Variants in LGI2 observed in about 807,000 individuals in gnomAD.
LGI2 encodes the protein leucine rich repeat LGI family member 2.
LGI2 carries 30 observed loss-of-function variants against 52.0 expected under a neutral mutation model. That is an observed-to-expected ratio of 0.58 (90% CI 0.43 to 0.78). The LOEUF is 0.78. LGI2 is among the 30% of genes least tolerant of loss of function. The probability of loss-of-function intolerance (pLI) is 0.00; values close to 1 mark genes in which losing one functional copy is unlikely to be tolerated. For missense variants in LGI2, 573 were observed against 692.5 expected (o/e 0.83, Z 1.94); for synonymous variants, 270 against 271.8 (o/e 0.99, Z 0.06).
chr4:24,992,688 A>C, the LGI2 span, among the ~76,000 whole-genome samples: 1 of 152,226 alleles, frequency 6.6e-6, no homozygotes, highest in African/African-American at 2.4e-5. Flanking sequence ...TGTCTCAAAA[A>C]GAAAAGAAAA....
intron 4 of LGI2, among the ~76,000 whole-genome samples, chr4:25,024,592 A>T (rs1278039571): frequency 6.6e-6 from 1 of 152,184 alleles, no homozygotes; most frequent in Non-Finnish European, 1.5e-5. Flanking sequence ...TAATTCCCAC[A>T]CAGTCATGTG....
chr4:25,020,470 AG>A (rs1461820166), intron 4 of LGI2, among the ~76,000 whole-genome samples: 1 of 152,194 alleles, frequency 6.6e-6, no homozygotes, highest in East Asian at 1.9e-4. Flanking sequence ...TGATTTCCCC[AG>A]GCACTGCACT....
In LGI2 at chr4:25,018,089, T is replaced by C. The variant is rs761504372; in HGVS notation, c.555A>G (p.Thr185=). Residue 185 remains threonine, a synonymous_variant, in exon 6 of 8, where the codon ACA becomes ACG. Transcript: ENST00000382114. Reference sequence around the variant, plus strand: ...ACAGCACATCAGAAACGGTGGAATTTGTCATCTTCAACCACAGGTATAGCC... The same window carrying C: ...ACAGCACATCAGAAACGGTGGAATTCGTCATCTTCAACCACAGGTATAGCC... The part of the protein sequence containing the change: ...AKWLYLWLKM[T]NSTVSDVLCI... 6.2e-7 allele frequency: 1 copy of C among 1,613,822 alleles called. No individual in the cohort carries two copies. The highest frequency in any genetic ancestry group is 8.5e-7 in the Non-Finnish European group (1 of 1,179,924).
downstream of LGI2, among the ~76,000 whole-genome samples, chr4:24,994,784 G>A (rs923136986): frequency 2.0e-5 from 3 of 152,080 alleles, no homozygotes; most frequent in South Asian, 2.1e-4. Flanking sequence ...GCAGAGAATC[G>A]GGGCTTGTGA....
Position 25,004,465 on chromosome 4 carries a change from T to C in LGI2, c.821-197A>G, listed in dbSNP as rs1195909456. Among the ~76,000 whole-genome samples the C allele has an allele frequency of 6.6e-6, 1 of 152,184 alleles. No homozygotes were observed. Among genetic ancestry groups the C allele is most frequent in the Non-Finnish European group, 1.5e-5 (1 of 68,034 alleles). ...TCCACTTCTTTGTATATACCCAAAA[T>C]AATTGAAAGCAGTGACTCAAAGAGA... On this transcript the variant is annotated intron_variant, in intron 7 of 7. Coordinates refer to ENST00000382114, the MANE Select transcript of LGI2 (RefSeq NM_018176.4). This position sits in a 1 kb window ranked among gnomAD's most constrained non-coding sequence, Gnocchi z 4.6.
At position 25,012,389 on chromosome 4, in the gene LGI2, C is replaced by T; in HGVS notation, c.766G>A (p.Val256Met). 1.2e-6 allele frequency: 2 copies of T among 1,614,220 alleles called. No homozygotes were observed. Among genetic ancestry groups the T allele is most frequent in the East Asian group, 2.2e-5 (1 of 44,888 alleles). Residue 256 changes from valine to methionine, a missense_variant, in exon 7 of 8, where the codon GTG becomes ATG. Val to Met is a conservative substitution (Grantham distance 21, BLOSUM62 1). Coordinates refer to ENST00000382114, the MANE Select transcript of LGI2 (RefSeq NM_018176.4). ...IAQPSMENCM[V>M]LEWDHIEMNF... ...ATTTCAATGTGGTCCCACTCCAGCA[C>T]CATGCAGTTCTCCATGCTGGGCTGC...
intron 7 of LGI2, among the ~76,000 whole-genome samples, chr4:25,011,025 T>C (rs1725563882): frequency 6.7e-6 from 1 of 150,020 alleles, no homozygotes; most frequent in Non-Finnish European, 1.5e-5. Context: ...CAGGTTGCAA[T>C]GAGGCAAGAT....
intron 4 of LGI2, among the ~76,000 whole-genome samples, chr4:25,020,924 A>C (rs1725937796): frequency 1.3e-5 from 2 of 152,182 alleles, no homozygotes; most frequent in Admixed American, 1.3e-4. Flanking sequence ...GCTACTCTGA[A>C]AGAGATTTTG....
chr4:25,014,227 T>C (rs1051765525), intron 6 of LGI2, among the ~76,000 whole-genome samples: 7 of 152,212 alleles, frequency 4.6e-5, no homozygotes, highest in Non-Finnish European at 1.0e-4. Context: ...CATGAGCATT[T>C]GCTTAAAAAG....
chr4:25,029,779 A>G (rs1163433133), intron 1 of LGI2, among the ~76,000 whole-genome samples: 2 of 152,230 alleles, frequency 1.3e-5, no homozygotes, highest in Non-Finnish European at 2.9e-5. Flanking sequence ...TCCTGACCTC[A>G]GGGCAAGAAG....
intron 7 of LGI2, among the ~76,000 whole-genome samples, chr4:25,005,909 G>A (rs114613258): frequency 0.018 from 2,683 of 152,276 alleles, 64 homozygotes; most frequent in African/African-American, 0.06. Context: ...TTCCTCATTC[G>A]TAAAATGAGA....
chr4:25,013,236 G>A lies in LGI2; in HGVS notation c.656-737C>T, dbSNP rs574130968. ...CTCCCTTCATTCTGGGGGCAGAGTA[G>A]GTGCTTACTGAATCCTTGTTGGCTA... is the stretch of plus-strand genomic sequence containing the variant. On this transcript the variant is annotated intron_variant, in intron 6 of 7. Coordinates refer to ENST00000382114, the MANE Select transcript of LGI2 (RefSeq NM_018176.4). Among the ~76,000 whole-genome samples the A allele has an allele frequency of 3.9e-5, 6 of 152,302 alleles. No individual in the cohort carries two copies. The South Asian group carries it at 1.0e-3, about 26-fold the overall frequency.
chr4:25,027,668 A>G (rs1726193141), intron 2 of LGI2, among the ~76,000 whole-genome samples: 1 of 152,224 alleles, frequency 6.6e-6, no homozygotes, highest in African/African-American at 2.4e-5. Flanking sequence ...CCTATATTCC[A>G]TTTATCCAAA....
Position 25,004,160 on chromosome 4 carries a change from G to C in LGI2, c.929C>G (p.Thr310Ser). The C allele has an allele frequency of 6.2e-7, 1 of 1,614,110 alleles. No homozygotes were observed. Among genetic ancestry groups the C allele is most frequent in the Non-Finnish European group, 8.5e-7 (1 of 1,180,032 alleles). The change falls in exon 8 of 8, where the codon ACC (threonine) becomes AGC (serine). Residue 310 changes from threonine (T) to serine (S), a missense_variant. By Grantham distance (58) the Thr-to-Ser change is moderately conservative (BLOSUM62 1). Transcript: ENST00000382114. This position sits in a 1 kb window ranked among gnomAD's most constrained non-coding sequence, Gnocchi z 4.6. ...SHIYKYDESW[T>S]KFVKFQDIEV... ...TATGTCTTGGAATTTGACAAATTTG[G>C]TCCAACTCTCGTCGTATTTGTAAAT...
Position 25,030,561 on chromosome 4 carries a change from C to T in LGI2, c.133G>A (p.Glu45Lys). ...GAAGAGCCCACGCAGATGATAGACT[C>T]CTTGGTACAGCTGCAAGTGGCGGGG... ...RCPATCSCTK[E>K]SIICVGSSWV... Residue 45 changes from glutamate to lysine, a missense_variant, in exon 1 of 8, where the codon GAG becomes AAG. Coordinates refer to ENST00000382114, the MANE Select transcript of LGI2 (RefSeq NM_018176.4). 6.3e-7 allele frequency: 1 copy of T among 1,593,454 alleles called. No homozygotes were observed. The highest frequency in any genetic ancestry group is 8.5e-7 in the Non-Finnish European group (1 of 1,171,802).
chr4:25,022,924 C>T (rs1332841316), intron 4 of LGI2, among the ~76,000 whole-genome samples: 1 of 152,224 alleles, frequency 6.6e-6, no homozygotes, highest in Admixed American at 6.5e-5. Context: ...GAACCAGACT[C>T]ATCTGGCCAC....
In LGI2 at chr4:25,004,362, A is replaced by T; in HGVS notation, c.821-94T>A. The T allele has an allele frequency of 2.7e-6, 3 of 1,094,266 alleles. No individual in the cohort carries two copies. Among genetic ancestry groups the T allele is most frequent in the Non-Finnish European group, 3.9e-6 (3 of 761,340 alleles). 67.8% of individuals were successfully genotyped at this position (1,094,266 alleles called of 1,614,324 possible). On this transcript the variant is annotated intron_variant, in intron 7 of 7. Transcript: ENST00000382114. This position sits in a 1 kb window ranked among gnomAD's most constrained non-coding sequence, Gnocchi z 4.6. ...TTATACACTGCTGGTGGGAGTGTGA[A>T]ATGGCACAGCCACTATGGAAAACAG...
intron 3 of LGI2, 121 bp downstream of exon 3, chr4:25,026,747 G>A (rs1297044686): frequency 5.2e-6 from 4 of 761,934 alleles, no homozygotes; most frequent in Admixed American, 1.9e-5. Context: ...AAGAGAATGG[G>A]GTGTTCTCCA....
chr4:25,015,820 A>C (rs1297202365), intron 6 of LGI2, among the ~76,000 whole-genome samples: 1 of 152,154 alleles, frequency 6.6e-6, no homozygotes, highest in Non-Finnish European at 1.5e-5. Flanking sequence ...TAGTTCTTAC[A>C]CAGCGGGGCC....
Sources: allele counts gnomAD v4.1 joint callset (sites outside exome capture counted in the v4.1 genomes callset), GRCh38; gene constraint gnomAD v4.1.1; non-coding constraint Gnocchi (gnomAD v3.1); transcripts MANE v1.5; gene names NCBI Gene and HGNC (gene_info 2026-07-23, HGNC 2026-07-21).